Variants in RALYL observed in about 807,000 individuals in gnomAD.
RALYL encodes RNA-binding Raly-like protein.
Under a neutral mutation model 35.1 loss-of-function variants are expected in RALYL, and 29 were observed. That is an observed-to-expected ratio of 0.83 (90% CI 0.61 to 1.13). RALYL has a LOEUF of 1.13. Among genes scored for constraint, RALYL ranks in the 50% most tolerant of loss-of-function variants. The pLI is 0.00. For synonymous variants in RALYL, 120 were observed against 127.6 expected (o/e 0.94, Z 0.40); for missense variants, 359 against 360.4 (o/e 1.00, Z 0.03).
At chr8:84,476,895 A>G (rs977833678) in intron 1 of RALYL, among the ~76,000 whole-genome samples, 1 of 152,194 alleles carries the variant, frequency 6.6e-6, no homozygotes. Context: ...GCTCATCTGA[A>G]TATACATTCA....
chr8:84,480,165 GTATA>G (rs1179605755), intron 1 of RALYL, among the ~76,000 whole-genome samples: 1 of 152,010 alleles, frequency 6.6e-6, no homozygotes, highest in Non-Finnish European at 1.5e-5. Context: ...TTTAAGCTGA[GTATA>G]AATAATATTC....
chr8:84,588,750 A>G (rs778418673), intron 2 of RALYL, among the ~76,000 whole-genome samples: 5 of 152,238 alleles, frequency 3.3e-5, no homozygotes, highest in Admixed American at 1.3e-4. Flanking sequence ...GAGTACCAGA[A>G]CCACAGCCAG....
intron 1 of RALYL, among the ~76,000 whole-genome samples, chr8:84,208,377 T>A (rs1294142114): frequency 2.0e-5 from 3 of 152,170 alleles, no homozygotes; most frequent in African/African-American, 7.2e-5. Context: ...TCATGAGTAA[T>A]CCTTCTCCCC....
chr8:84,263,857 A>C (rs1832767587), intron 1 of RALYL, among the ~76,000 whole-genome samples: 1 of 152,144 alleles, frequency 6.6e-6, no homozygotes, highest in Non-Finnish European at 1.5e-5. Context: ...AAGTGAGAAC[A>C]TGTGGTGTTT....
chr8:84,249,445 G>A (rs770345806), intron 1 of RALYL, among the ~76,000 whole-genome samples: 5 of 152,040 alleles, frequency 3.3e-5, no homozygotes, highest in Non-Finnish European at 7.4e-5. Context: ...TCTCCTTTAA[G>A]ATAGTCCAGC....
At chr8:84,866,882 T>C (rs1216152847) in intron 6 of RALYL, among the ~76,000 whole-genome samples, 1 of 152,132 alleles carries the variant, frequency 6.6e-6, no homozygotes, top group Non-Finnish European at 1.5e-5. Flanking sequence ...AGGGCCAAGA[T>C]AAAAAAATTC....
chr8:84,212,500 C>T (rs1819738959), intron 1 of RALYL, among the ~76,000 whole-genome samples: 1 of 152,032 alleles, frequency 6.6e-6, no homozygotes, highest in Admixed American at 6.6e-5. Context: ...GCAAGTGTAT[C>T]CCAGGCTTAA....
At chr8:84,430,392 CTTT>C (rs1190808857) in intron 1 of RALYL, among the ~76,000 whole-genome samples, 4 of 152,076 alleles carry the variant, frequency 2.6e-5, no homozygotes, top group Non-Finnish European at 4.4e-5. Context: ...TATGGAATTT[CTTT>C]TAATTTTTGT....
intron 4 of RALYL, among the ~76,000 whole-genome samples, chr8:84,839,389 ATCAAAC>A (rs1404565284): frequency 6.6e-5 from 10 of 152,336 alleles, no homozygotes; most frequent in Admixed American, 1.3e-4. Flanking sequence ...GCAGTCTGAG[ATCAAAC>A]TGAAAGGGGG....
intron 1 of RALYL, among the ~76,000 whole-genome samples, chr8:84,205,822 G>A (rs915148961): frequency 6.6e-6 from 1 of 152,188 alleles, no homozygotes; most frequent in Admixed American, 6.5e-5. Context: ...CAGAGACTGG[G>A]TGGTTTAAAC....
intron 3 of RALYL, among the ~76,000 whole-genome samples, chr8:84,799,667 C>T (rs972515891): frequency 1.3e-5 from 2 of 152,248 alleles, no homozygotes; most frequent in Non-Finnish European, 2.9e-5. Context: ...GCAAAATAAG[C>T]GAGGAAGGGC....
intron 1 of RALYL, among the ~76,000 whole-genome samples, chr8:84,344,955 C>T (rs1849542975): frequency 6.6e-6 from 1 of 152,028 alleles, no homozygotes; most frequent in Admixed American, 6.6e-5. Flanking sequence ...CTGATGGACA[C>T]AGGTTGATTT....
intron 1 of RALYL, among the ~76,000 whole-genome samples, chr8:84,334,821 T>C (rs1488958813): frequency 6.6e-6 from 1 of 152,160 alleles, no homozygotes; most frequent in East Asian, 1.9e-4. Context: ...ATATTTGATA[T>C]TTTGTTCCAT....
intron 2 of RALYL, among the ~76,000 whole-genome samples, chr8:84,727,059 T>G (rs1490870831): frequency 1.3e-5 from 2 of 152,060 alleles, no homozygotes; most frequent in Non-Finnish European, 2.9e-5. Context: ...CTAAGTGTGT[T>G]TAGAGAATGA....
At chr8:84,441,188 A>C (rs2132959392) in intron 1 of RALYL, among the ~76,000 whole-genome samples, 1 of 152,254 alleles carries the variant, frequency 6.6e-6, no homozygotes, top group African/African-American at 2.4e-5. Context: ...ATTTTCTTTT[A>C]AGAAGACTTC....
intron 1 of RALYL, among the ~76,000 whole-genome samples, chr8:84,233,001 G>T (rs1825713103): frequency 6.6e-6 from 1 of 151,534 alleles, no homozygotes; most frequent in Non-Finnish European, 1.5e-5. Flanking sequence ...TTTTTTTAAA[G>T]ACAGGGTCTT....
intron 2 of RALYL, among the ~76,000 whole-genome samples, chr8:84,667,458 C>T (rs1832312566): frequency 6.6e-6 from 1 of 152,060 alleles, no homozygotes; most frequent in Admixed American, 6.6e-5. Context: ...GAAACTTTCT[C>T]TGATTGACTA....
At chr8:84,694,329 G>A (rs1838698121) in intron 2 of RALYL, among the ~76,000 whole-genome samples, 3 of 151,188 alleles carry the variant, frequency 2.0e-5, no homozygotes, top group African/African-American at 7.3e-5. Context: ...ACAAACTATT[G>A]GGAAAAAAAG....
chr8:84,577,152 C>G (rs919870609), intron 2 of RALYL, among the ~76,000 whole-genome samples: 5 of 152,218 alleles, frequency 3.3e-5, no homozygotes, highest in Non-Finnish European at 5.9e-5. Flanking sequence ...AGCAGGCCAA[C>G]AGTTGCGTTT....
Sources: allele counts gnomAD v4.1 joint callset (sites outside exome capture counted in the v4.1 genomes callset), GRCh38; gene constraint gnomAD v4.1.1; transcripts MANE v1.5; gene names NCBI Gene and HGNC (gene_info 2026-07-23, HGNC 2026-07-21).